The following RHOBTB3 variants were observed in gnomAD, a reference collection of about 807,000 sequenced individuals.
RHOBTB3 encodes the protein rho-related BTB domain-containing protein 3.
RHOBTB3 carries 47 observed loss-of-function variants against 67.2 expected under a neutral mutation model. That is an observed-to-expected ratio of 0.70 (90% confidence interval 0.55 to 0.89). RHOBTB3 has a LOEUF of 0.89. RHOBTB3 is among the 40% of genes least tolerant of loss of function. The pLI is 0.00. For synonymous variants in RHOBTB3, 273 were observed against 274.2 expected (o/e 1.00, Z 0.04); for missense variants, 631 against 750.0 (o/e 0.84, Z 1.85).
At chr5:95,731,298 C>T, upstream of RHOBTB3, 1 of 1,041,368 alleles carries the variant, frequency 9.6e-7, no homozygotes, top group Non-Finnish European at 1.2e-6. Context: ...CCCCGACCCC[C>T]CTTCTCTGCT....
chr5:95,775,243 C>T (rs1745834037), intron 8 of RHOBTB3, among the ~76,000 whole-genome samples: 1 of 151,900 alleles, frequency 6.6e-6, no homozygotes, highest in South Asian at 2.1e-4. Context: ...AACCCAAAAT[C>T]CAAAATGCCC....
chr5:95,765,862 C>T (rs955402517), intron 7 of RHOBTB3, among the ~76,000 whole-genome samples: 5 of 152,160 alleles, frequency 3.3e-5, no homozygotes, highest in Admixed American at 3.3e-4. Context: ...CGGGGTTTCA[C>T]CGTGTTAGCC....
At chr5:95,762,774 G>GAAACTTCCTATCC in intron 6 of RHOBTB3, among the ~76,000 whole-genome samples, 1 of 152,326 alleles carries the variant, frequency 6.6e-6, no homozygotes, top group South Asian at 2.1e-4. Flanking sequence ...GGTTGGATAG[G>GAAACTTCCTATCC]AAGTTGCTGC....
chr5:95,741,787 T>C (rs775146166), intron 3 of RHOBTB3, among the ~76,000 whole-genome samples: 1 of 152,182 alleles, frequency 6.6e-6, no homozygotes, highest in Non-Finnish European at 1.5e-5. Context: ...TTATGATAAA[T>C]GTGCTTGCAA....
intron 6 of RHOBTB3, among the ~76,000 whole-genome samples, chr5:95,761,313 T>A (rs894470843): frequency 2.6e-5 from 4 of 151,498 alleles, no homozygotes; most frequent in Non-Finnish European, 5.9e-5. Context: ...GTTTGGATAA[T>A]GGCTGAAATT....
Position 95,731,441 on chromosome 5 carries a change from C to G in RHOBTB3, c.-242C>G. The stretch of plus-strand genomic sequence containing the variant: ...GCGGTCCCGCGCCCGGCGATGTTCC[C>G]GGGCACTCCCTGAGTAGCGGCAGCT... On this transcript the variant is annotated 5_prime_UTR_variant, in exon 1 of 12. Coordinates refer to ENST00000379982, the MANE Select transcript of RHOBTB3 (RefSeq NM_014899.4). The G allele has an allele frequency of 8.3e-7, 1 of 1,204,730 alleles. No individual in the cohort carries two copies. Among genetic ancestry groups the G allele is most frequent in the Non-Finnish European group, 1.0e-6 (1 of 973,670 alleles). The allele number at this position is 1,204,730 out of a possible 1,614,324, so 74.6% of individuals were successfully genotyped here.
intron 4 of RHOBTB3, 134 bp downstream of exon 4, chr5:95,748,621 T>C (rs1297462717): frequency 1.9e-6 from 1 of 530,476 alleles, no homozygotes. Flanking sequence ...AAAATGAGAG[T>C]GAGTGGCAAA....
At chr5:95,723,606 G>A (rs1754960653) in intron 1 of RHOBTB3, among the ~76,000 whole-genome samples, 1 of 152,078 alleles carries the variant, frequency 6.6e-6, no homozygotes, top group Non-Finnish European at 1.5e-5. Flanking sequence ...GTGTAAATTT[G>A]CACACTTTAT....
chr5:95,758,517 T>TGTG (rs1274503209), intron 6 of RHOBTB3, among the ~76,000 whole-genome samples: 24 of 152,266 alleles, frequency 1.6e-4, no homozygotes, highest in African/African-American at 5.8e-4. Flanking sequence ...CTCTTAGACT[T>TGTG]GTGCTAGAGT....
chr5:95,771,795 A>G (rs1745722555), intron 8 of RHOBTB3, among the ~76,000 whole-genome samples: 1 of 152,220 alleles, frequency 6.6e-6, no homozygotes, highest in African/African-American at 2.4e-5. Flanking sequence ...CATTTACTAA[A>G]AGTGTTTGGT....
chr5:95,745,151 G>GC (rs1484924065), intron 3 of RHOBTB3, among the ~76,000 whole-genome samples: 2 of 151,322 alleles, frequency 1.3e-5, no homozygotes, highest in Admixed American at 6.6e-5. Flanking sequence ...AACCAAGCTG[G>GC]CCCCCAACTC....
chr5:95,765,951 C>T (rs1447215923), intron 7 of RHOBTB3, among the ~76,000 whole-genome samples: 3 of 152,246 alleles, frequency 2.0e-5, no homozygotes, highest in East Asian at 3.9e-4. Flanking sequence ...CATGAGCCAC[C>T]GTGCCCAGCC....
intron 1 of RHOBTB3, among the ~76,000 whole-genome samples, chr5:95,721,546 G>A (rs890756107): frequency 2.6e-5 from 4 of 152,258 alleles, no homozygotes; most frequent in Middle Eastern, 3.4e-3. Context: ...TAGCTGGAAA[G>A]ATGGTAATGA....
At chr5:95,722,498 G>GTT (rs35247576) in intron 1 of RHOBTB3, among the ~76,000 whole-genome samples, 75 of 149,180 alleles carry the variant, frequency 5.0e-4, no homozygotes, top group Admixed American at 3.1e-3. Flanking sequence ...TGTAAAAGAG[G>GTT]TTTTTTTTTT....
In RHOBTB3 at chr5:95,780,498, C is replaced by A. The variant is rs1746017391; in HGVS notation, c.1456+73C>A. 1.3e-5 allele frequency: 16 copies of A among 1,231,038 alleles called. 1 individual carries two copies. In the South Asian group the frequency reaches 1.5e-4, roughly 12 times the overall value. 76.3% of individuals were successfully genotyped at this position (1,231,038 alleles called of 1,614,324 possible). A position where few individuals can be genotyped will look rare whatever the true frequency, so the allele number is the denominator to read the frequency against. ...GCCACCCATTTTGTTAAATTGCACT[C>A]TGTGGAATCTATTTTCATTTAAGAT... On this transcript the variant is annotated intron_variant, in intron 9 of 11. Transcript: ENST00000379982.
upstream of RHOBTB3, chr5:95,730,887 G>C (rs1196776586): frequency 1.1e-5 from 5 of 455,828 alleles, no homozygotes; most frequent in African/African-American, 2.0e-5. Flanking sequence ...ATGAGAAAGC[G>C]GCAGACGTGG....
At chr5:95,774,849 C>G (rs1032467578) in intron 8 of RHOBTB3, among the ~76,000 whole-genome samples, 5 of 152,156 alleles carry the variant, frequency 3.3e-5, no homozygotes, top group Non-Finnish European at 7.4e-5. Flanking sequence ...AAATCCAAAT[C>G]TCTTCTGATC....
chr5:95,763,958 C>T (rs1426114955), intron 7 of RHOBTB3, among the ~76,000 whole-genome samples: 2 of 151,838 alleles, frequency 1.3e-5, no homozygotes, highest in Non-Finnish European at 2.9e-5. Flanking sequence ...TATAGATATG[C>T]ATCACCATAC....
chr5:95,776,196 C>G (rs192185548), intron 8 of RHOBTB3, among the ~76,000 whole-genome samples: 92 of 152,202 alleles, frequency 6.0e-4, no homozygotes, highest in Non-Finnish European at 1.1e-3. Flanking sequence ...CACCTGAGGT[C>G]GGGAGTTCCA....
Sources: gnomAD v4.1 joint callset for allele counts (sites outside exome capture counted in the v4.1 genomes callset) on GRCh38, gnomAD v4.1.1 for gene constraint, MANE v1.5 for transcripts, NCBI Gene and HGNC (gene_info 2026-07-23, HGNC 2026-07-21) for gene names.